Variants in GABRB1 observed in about 807,000 individuals in gnomAD.
GABRB1 encodes gamma-aminobutyric acid type A receptor subunit beta1.
A neutral mutation model predicts 51.6 loss-of-function variants in GABRB1; 17 were observed. The observed-to-expected ratio is 0.33, with a 90% CI of 0.23 to 0.49. The LOEUF (loss-of-function observed/expected upper bound fraction) is 0.49, where lower values mean the gene tolerates loss of function less well. GABRB1 is among the 20% of genes least tolerant of loss of function. GABRB1 has a pLI of 0.99. For synonymous variants in GABRB1, 247 were observed against 218.9 expected, an observed-to-expected ratio of 1.13 and a Z score of -1.14; for missense variants, 410 against 600.6, an observed-to-expected ratio of 0.68 and a Z score of 3.32.
chr4:47,068,118 C>A (rs1352586240), intron 3 of GABRB1, among the ~76,000 whole-genome samples: 3 of 152,130 alleles, frequency 2.0e-5, no homozygotes, highest in Non-Finnish European at 4.4e-5. Flanking sequence ...CATGAACCAA[C>A]CTTTGCTAGC....
intron 5 of GABRB1, among the ~76,000 whole-genome samples, chr4:47,387,891 A>G (rs546614874): frequency 6.6e-6 from 1 of 152,312 alleles, no homozygotes; most frequent in South Asian, 2.1e-4. Context: ...AGGAAGGGCC[A>G]CAATCAGGGT....
intron 5 of GABRB1, among the ~76,000 whole-genome samples, chr4:47,356,220 A>G (rs1726568633): frequency 6.6e-6 from 1 of 152,192 alleles, no homozygotes; most frequent in Admixed American, 6.5e-5. Flanking sequence ...CTTGGAGCCA[A>G]GCACAGTGCT....
intron 3 of GABRB1, among the ~76,000 whole-genome samples, chr4:47,138,197 T>G (rs1019369531): frequency 3.3e-5 from 5 of 152,064 alleles, no homozygotes; most frequent in African/African-American, 1.2e-4. Context: ...AATTTGCCCA[T>G]TTAGGCTCAT....
At chr4:47,242,987 C>G (rs112106929) in intron 4 of GABRB1, among the ~76,000 whole-genome samples, 17,615 of 152,124 alleles carry the variant, frequency 0.12, 1,266 homozygotes, top group Non-Finnish European at 0.15. Flanking sequence ...ATGGTATTGC[C>G]TAGTTTTCTT....
chr4:47,130,343 G>A (rs1368683344), intron 3 of GABRB1, among the ~76,000 whole-genome samples: 1 of 141,478 alleles, frequency 7.1e-6, no homozygotes, highest in Non-Finnish European at 1.6e-5. Flanking sequence ...GTGTGTGTGT[G>A]TGTGTGTGTG....
At chr4:47,029,371 T>C (rs926230300), upstream of GABRB1, among the ~76,000 whole-genome samples, 6 of 151,978 alleles carry the variant, frequency 3.9e-5, no homozygotes, top group Admixed American at 6.6e-5. Context: ...TAGTGTACAA[T>C]TCCTTTAATT....
intron 5 of GABRB1, among the ~76,000 whole-genome samples, chr4:47,380,950 A>G (rs1471350156): frequency 6.6e-6 from 1 of 152,080 alleles, no homozygotes; most frequent in African/African-American, 2.4e-5. Context: ...CGATTCAGCA[A>G]TTTTTCAGAC....
At chr4:47,280,931 G>T (rs1348854326) in intron 4 of GABRB1, among the ~76,000 whole-genome samples, 1 of 151,696 alleles carries the variant, frequency 6.6e-6, no homozygotes, top group East Asian at 1.9e-4. Flanking sequence ...TGGATTACAG[G>T]CATGAGCCAC....
At chr4:47,296,832 A>G (rs980672443) in intron 4 of GABRB1, among the ~76,000 whole-genome samples, 3 of 152,314 alleles carry the variant, frequency 2.0e-5, no homozygotes, top group Middle Eastern at 3.4e-3. Flanking sequence ...CACCACACCT[A>G]TTCCAAAACT....
intron 4 of GABRB1, among the ~76,000 whole-genome samples, chr4:47,190,081 A>G (rs1454943957): frequency 6.6e-6 from 1 of 152,076 alleles, no homozygotes; most frequent in African/African-American, 2.4e-5. Context: ...AACCAGAATA[A>G]TTTAATTAGA....
At chr4:47,336,784 G>C (rs1324853844) in intron 5 of GABRB1, among the ~76,000 whole-genome samples, 3 of 152,126 alleles carry the variant, frequency 2.0e-5, no homozygotes, top group Admixed American at 1.3e-4. Context: ...AGCTAGACCA[G>C]GAGATAATTA....
chr4:47,073,380 ACT>A (rs1727422291), intron 3 of GABRB1, among the ~76,000 whole-genome samples: 1 of 152,174 alleles, frequency 6.6e-6, no homozygotes, highest in Admixed American at 6.5e-5. Flanking sequence ...TTGAGAAAAT[ACT>A]CTCAGTTAAT....
chr4:47,081,529 C>A (rs551363583), intron 3 of GABRB1, among the ~76,000 whole-genome samples: 1 of 152,270 alleles, frequency 6.6e-6, no homozygotes, highest in Non-Finnish European at 1.5e-5. Context: ...TCTCTGCTAT[C>A]TTTCAAATAT....
intron 4 of GABRB1, among the ~76,000 whole-genome samples, chr4:47,250,262 G>A (rs1721935078): frequency 6.6e-6 from 1 of 152,138 alleles, no homozygotes; most frequent in African/African-American, 2.4e-5. Context: ...TTTGTTTGAG[G>A]AGGCTGAAGA....
chr4:47,289,299 CA>C (rs750513101), intron 4 of GABRB1, among the ~76,000 whole-genome samples: 85 of 152,198 alleles, frequency 5.6e-4, no homozygotes, highest in Admixed American at 7.2e-4. Context: ...TGAACTCACT[CA>C]GAAAGGAAAA....
chr4:47,295,667 A>C (rs1201800377), intron 4 of GABRB1, among the ~76,000 whole-genome samples: 10 of 152,248 alleles, frequency 6.6e-5, no homozygotes, highest in Admixed American at 6.5e-4. Flanking sequence ...GAATGGAACC[A>C]AGTTAGAAAA....
intron 4 of GABRB1, among the ~76,000 whole-genome samples, chr4:47,174,830 C>T (rs112104977): frequency 6.6e-6 from 1 of 152,198 alleles, no homozygotes; most frequent in Non-Finnish European, 1.5e-5. Context: ...GTTGTCAGTG[C>T]CCTGCACTAT....
At chr4:47,187,505 A>T (rs1244539859) in intron 4 of GABRB1, among the ~76,000 whole-genome samples, 1 of 151,858 alleles carries the variant, frequency 6.6e-6, no homozygotes, top group Admixed American at 6.6e-5. Flanking sequence ...TAAGAAATGA[A>T]ATTTGCCTTC....
chr4:47,215,679 A>AT (rs1463893737), intron 4 of GABRB1, among the ~76,000 whole-genome samples: 4 of 152,090 alleles, frequency 2.6e-5, no homozygotes, highest in Non-Finnish European at 4.4e-5. Context: ...GTTAAATTTT[A>AT]TTTTTATTCC....
Sources: gnomAD v4.1 joint callset for allele counts (sites outside exome capture counted in the v4.1 genomes callset) on GRCh38, gnomAD v4.1.1 for gene constraint, MANE v1.5 for transcripts, NCBI Gene and HGNC (gene_info 2026-07-23, HGNC 2026-07-21) for gene names.